Variants in SOX5 observed in about 807,000 individuals in gnomAD.
SOX5 encodes transcription factor SOX-5.
A neutral mutation model predicts 92.0 loss-of-function variants in SOX5; 9 were observed. The ratio of observed to expected loss-of-function variants is 0.10; its 90% CI spans 0.06 to 0.17. The LOEUF (loss-of-function observed/expected upper bound fraction) is 0.17. SOX5 is among the 10% of genes least tolerant of loss of function. The pLI is 1.00. For synonymous variants in SOX5, 344 were observed against 336.3 expected, an observed-to-expected ratio of 1.02 and a Z score of -0.25; for missense variants, 642 against 944.5, an observed-to-expected ratio of 0.68 and a Z score of 4.20.
chr12:24,137,306 G>C (rs1046646010), intron 4 of SOX5, among the ~76,000 whole-genome samples: 1 of 152,100 alleles, frequency 6.6e-6, no homozygotes, highest in African/African-American at 2.4e-5. Context: ...AGGTTGGAGG[G>C]GGCTGATATC....
chr12:24,300,813 C>T (rs193188761), intron 2 of SOX5, among the ~76,000 whole-genome samples: 2 of 152,290 alleles, frequency 1.3e-5, no homozygotes, highest in African/African-American at 2.4e-5. Context: ...GTTGCAGGGA[C>T]CAGACACTCA....
intron 2 of SOX5, among the ~76,000 whole-genome samples, chr12:24,318,920 T>A (rs1437684443): frequency 1.3e-5 from 2 of 152,224 alleles, no homozygotes; most frequent in East Asian, 3.8e-4. Flanking sequence ...AACACTCTCC[T>A]AATATTTACT....
intron 2 of SOX5, among the ~76,000 whole-genome samples, chr12:24,308,106 T>C (rs1948800490): frequency 6.6e-6 from 1 of 152,082 alleles, no homozygotes; most frequent in African/African-American, 2.4e-5. Context: ...AGCATGCCTA[T>C]TAAGAGGCAA....
chr12:24,249,821 C>A (rs566164344), intron 3 of SOX5, among the ~76,000 whole-genome samples: 186 of 152,298 alleles, frequency 1.2e-3, no homozygotes, highest in Non-Finnish European at 2.4e-3. Flanking sequence ...ATTAAATGGT[C>A]TTTTATATTT....
rs899031094 is a variant in SOX5 at position 24,484,961 on chromosome 12, C to T, written c.-251+77368G>A. 1.2e-4 allele frequency among the ~76,000 whole-genome samples: 19 copies of T among 152,116 alleles called. No individual in the cohort carries two copies. In the East Asian group the frequency reaches 2.5e-3, roughly 20 times the overall value. ...AAAATAAATACTTTTGTATTCAGAG[C>T]GGTCAGAAACTCTGAGGGCTAGAAA... On this transcript the variant is annotated intron_variant, in intron 1 of 4. Coordinates refer to the SOX5 transcript ENST00000446891.
chr12:24,289,192 G>C (rs181502192), intron 2 of SOX5, among the ~76,000 whole-genome samples: 1 of 151,782 alleles, frequency 6.6e-6, no homozygotes, highest in Admixed American at 6.6e-5. Context: ...GAGGCAGGAG[G>C]ATCACTTGAG....
At chr12:24,004,821 G>A (rs945463655) in intron 4 of SOX5, among the ~76,000 whole-genome samples, 1 of 152,142 alleles carries the variant, frequency 6.6e-6, no homozygotes, top group East Asian at 1.9e-4. Context: ...GAATGTCATA[G>A]CAGCATTAGT....
intron 3 of SOX5, among the ~76,000 whole-genome samples, chr12:24,236,640 C>T (rs893289435): frequency 2.0e-5 from 3 of 152,152 alleles, no homozygotes; most frequent in Admixed American, 2.0e-4. Flanking sequence ...TTGTGGAAAC[C>T]AGGGAAAGAT....
At chr12:24,476,519 C>G (rs1178621641) in intron 1 of SOX5, among the ~76,000 whole-genome samples, 1 of 152,158 alleles carries the variant, frequency 6.6e-6, no homozygotes, top group Non-Finnish European at 1.5e-5. Flanking sequence ...ACAACGAAAA[C>G]TGTCCAACAG....
At chr12:24,241,938 G>A (rs1965634815) in intron 3 of SOX5, among the ~76,000 whole-genome samples, 1 of 152,012 alleles carries the variant, frequency 6.6e-6, no homozygotes, top group Admixed American at 6.6e-5. Flanking sequence ...AGTGAATTTA[G>A]GCACTTAGAA....
intron 1 of SOX5, among the ~76,000 whole-genome samples, chr12:24,539,271 A>G (rs919080935): frequency 1.3e-5 from 2 of 152,176 alleles, no homozygotes; most frequent in African/African-American, 4.8e-5. Context: ...AAAAAAAACA[A>G]CTGGGTAGTA....
At chr12:23,665,609 C>T (rs1413442025) in intron 6 of SOX5, 45 bp from the exon 7 acceptor site, 1 of 1,555,198 alleles carries the variant, frequency 6.4e-7, no homozygotes, top group East Asian at 2.3e-5. Context: ...AGTTTCGATG[C>T]TCCATGCTTC....
rs541119330 is a variant in SOX5, at chr12:24,450,842, G to A, written c.-250-82203C>T. Among the ~76,000 whole-genome samples, 3 of 152,190 alleles carry A rather than the reference G, an allele frequency of 2.0e-5. No individual in the cohort carries two copies. The East Asian group carries it at 5.8e-4, about 29-fold the overall frequency. On this transcript the variant is annotated intron_variant, in intron 1 of 4. Transcript: ENST00000446891. ...CCAATTATACTCTTTTAGTTGTCTT[G>A]AAATATACAATTATTATTTACTATA...
chr12:24,061,609 A>G (rs1425057746), intron 4 of SOX5, among the ~76,000 whole-genome samples: 1 of 152,148 alleles, frequency 6.6e-6, no homozygotes, highest in Non-Finnish European at 1.5e-5. Flanking sequence ...GCATCACACA[A>G]AAGCTAAGCA....
intron 3 of SOX5, among the ~76,000 whole-genome samples, chr12:23,794,158 T>C (rs542473996): frequency 6.6e-6 from 1 of 152,310 alleles, no homozygotes; most frequent in East Asian, 1.9e-4. Context: ...TCCTATATGA[T>C]ATGAAGAGTT....
chr12:23,541,908 C>T (rs1435857093), intron 13 of SOX5, among the ~76,000 whole-genome samples: 4 of 152,260 alleles, frequency 2.6e-5, no homozygotes, highest in South Asian at 2.1e-4. Flanking sequence ...GTCAGAACTT[C>T]GAGGCCAGCC....
intron 4 of SOX5, among the ~76,000 whole-genome samples, chr12:24,196,303 A>G (rs1212132141): frequency 6.6e-6 from 1 of 152,242 alleles, no homozygotes; most frequent in Non-Finnish European, 1.5e-5. Flanking sequence ...AATCATATGT[A>G]AATAACACTC....
chr12:24,297,805 A>G (rs1212594557), intron 2 of SOX5, among the ~76,000 whole-genome samples: 1 of 152,200 alleles, frequency 6.6e-6, no homozygotes. Flanking sequence ...GCTCATAACT[A>G]GCACTGTCTG....
At chr12:23,654,063 A>G (rs186484604) in intron 7 of SOX5, among the ~76,000 whole-genome samples, 30 of 152,238 alleles carry the variant, frequency 2.0e-4, no homozygotes, top group Non-Finnish European at 3.8e-4. Context: ...ATATTATAAG[A>G]CAATAATTAT....
Sources: allele counts gnomAD v4.1 joint callset (sites outside exome capture counted in the v4.1 genomes callset), GRCh38; gene constraint gnomAD v4.1.1; transcripts MANE v1.5; gene names NCBI Gene and HGNC (gene_info 2026-07-23, HGNC 2026-07-21).